The following OR4M1 variants were observed in gnomAD, a reference collection of about 807,000 sequenced individuals.
The protein encoded by OR4M1 is olfactory receptor 4M1.
OR4M1 carries 7 observed loss-of-function variants against 9.8 expected under a neutral mutation model. That is an observed-to-expected ratio of 0.71 (90% CI 0.41 to 1.34). OR4M1 has a LOEUF of 1.34. Ranked by LOEUF, OR4M1 falls within the 40% of genes most tolerant of loss-of-function variation. The pLI is 0.01. For synonymous variants in OR4M1, 121 were observed against 139.8 expected (o/e 0.87, Z 0.95); for missense variants, 331 against 380.4 (o/e 0.87, Z 1.08).
At chr14:19,779,138 G>C (rs1878392130) in intron 1 of OR4M1, among the ~76,000 whole-genome samples, 1 of 152,174 alleles carries the variant, frequency 6.6e-6, no homozygotes, top group Non-Finnish European at 1.5e-5. Flanking sequence ...TGAGTCAGTA[G>C]GTTCCAAAAA....
chr14:19,773,808 G>C (rs1490330520), intron 1 of OR4M1, among the ~76,000 whole-genome samples: 1 of 152,214 alleles, frequency 6.6e-6, no homozygotes, highest in Non-Finnish European at 1.5e-5. Context: ...TCTCGGCCTT[G>C]ATCTCAATAA....
chr14:19,776,261 C>G (rs536104457), intron 1 of OR4M1, among the ~76,000 whole-genome samples: 387 of 152,074 alleles, frequency 2.5e-3, no homozygotes, highest in Non-Finnish European at 3.0e-3. Context: ...TTTCTTAAAA[C>G]TCTAGTTAAA....
rs1594379379 is a variant in OR4M1, at chr14:19,781,317, G to A, written c.*53G>A. ...CCTGAGGATCATTGTCCTAAAGCAGGAAGTATTTGCAGTAATAATGCTGCA... is the reference window on the plus strand; with the variant it reads ...CCTGAGGATCATTGTCCTAAAGCAGAAAGTATTTGCAGTAATAATGCTGCA... On this transcript the variant is annotated 3_prime_UTR_variant, in exon 2 of 2. Coordinates refer to ENST00000641200, the MANE Select transcript of OR4M1 (RefSeq NM_001005500.2). 5.6e-6 allele frequency: 8 copies of A among 1,431,944 alleles called. No homozygotes were observed. In the East Asian group the frequency reaches 1.2e-4, roughly 21 times the overall value. The allele number at this position is 1,431,944 out of a possible 1,614,324, so 88.7% of individuals were successfully genotyped here.
chr14:19,781,176 A>G lies in OR4M1; in HGVS notation c.854A>G (p.Asn285Ser). ...CATACTGTAATATTCCCTTTACTTA[A>G]TCCCATTATTTACACATTGAGAAAC... ...VFHTVIFPLL[N>S]PIIYTLRNKE... is the part of the protein sequence containing the mutation. Residue 285 changes from asparagine (N) to serine (S), a missense_variant, in exon 2 of 2, where the codon AAT becomes AGT. Asn to Ser is a conservative substitution (Grantham distance 46, BLOSUM62 1). This residue lies in a region of OR4M1 where 122 missense variants were observed against 180.5 expected (regional missense o/e 0.68). Transcript: ENST00000641200. The G allele has an allele frequency of 6.2e-7, 1 of 1,614,200 alleles. No homozygotes were observed. The highest frequency in any genetic ancestry group is 1.6e-4 in the Middle Eastern group (1 of 6,062).
chr14:19,782,957 T>C lies in OR4M1; in HGVS notation c.*1693T>C, dbSNP rs1193816412. ...TTTGATCTAGCCAGACTTCTATTCA[T>C]TTTGTCACTTATCTTTCATCAAACT... is the stretch of plus-strand genomic sequence containing the variant. On this transcript the variant is annotated 3_prime_UTR_variant, in exon 2 of 2. Coordinates refer to ENST00000641200, the MANE Select transcript of OR4M1 (RefSeq NM_001005500.2). 6.6e-6 allele frequency: 1 copy of C among 152,274 alleles called. No individual in the cohort carries two copies. Among genetic ancestry groups the C allele is most frequent in the Non-Finnish European group, 1.5e-5 (1 of 68,046 alleles). The allele number at this position is 152,274 out of a possible 1,614,324, so 9.4% of individuals were successfully genotyped here. A position where few individuals can be genotyped will look rare whatever the true frequency, so the allele number is the denominator to read the frequency against.
intron 1 of OR4M1, among the ~76,000 whole-genome samples, chr14:19,779,026 T>G (rs1229502624): frequency 6.6e-6 from 1 of 152,206 alleles, no homozygotes; most frequent in East Asian, 1.9e-4. Context: ...TTTTTGTGCG[T>G]GTGTGTGTCT....
At chr14:19,775,653 C>T (rs117525898) in intron 1 of OR4M1, among the ~76,000 whole-genome samples, 1 of 144,162 alleles carries the variant, frequency 6.9e-6, no homozygotes, top group East Asian at 2.0e-4. Context: ...TAATATACTT[C>T]AATATATTCA....
intron 1 of OR4M1, among the ~76,000 whole-genome samples, chr14:19,775,859 A>G (rs1246003400): frequency 6.6e-6 from 1 of 151,318 alleles, no homozygotes; most frequent in Non-Finnish European, 1.5e-5. Context: ...AATGATCTTC[A>G]AGATAGTATA....
At chr14:19,775,689 A>T (rs1878290580) in intron 1 of OR4M1, among the ~76,000 whole-genome samples, 1 of 143,786 alleles carries the variant, frequency 7.0e-6, no homozygotes, top group Non-Finnish European at 1.5e-5. Context: ...TATATTAAAT[A>T]TATATTAGTT....
At chr14:19,780,189 C>T in intron 1 of OR4M1, 105 bp from the exon 2 acceptor site, 2 of 1,016,026 alleles carry the variant, frequency 2.0e-6, no homozygotes, top group South Asian at 1.7e-5. Context: ...AATGTATCCT[C>T]ATGTAATCTG....
rs1287148274 is a variant in OR4M1, at chr14:19,782,378, T to A, written c.*1114T>A. On this transcript the variant is annotated 3_prime_UTR_variant, in exon 2 of 2. Coordinates refer to ENST00000641200, the MANE Select transcript of OR4M1 (RefSeq NM_001005500.2). ...TTTACTTAAATTTATTAGTTTTTCA[T>A]TTCAAAACTAGGAAATATTTTCATT... 4 of 152,254 alleles carry A rather than the reference T, an allele frequency of 2.6e-5. No homozygotes were observed. Among genetic ancestry groups the A allele is most frequent in the Non-Finnish European group, 4.4e-5 (3 of 68,052 alleles). 9.4% of individuals were successfully genotyped at this position (152,254 alleles called of 1,614,324 possible). A position where few individuals can be genotyped will look rare whatever the true frequency, so the allele number is the denominator to read the frequency against.
In OR4M1 at chr14:19,781,308, C is replaced by T. The variant is rs553113338; in HGVS notation, c.*44C>T. 277 of 1,466,218 alleles carry T rather than the reference C, an allele frequency of 1.9e-4. No individual in the cohort carries two copies. Among genetic ancestry groups the T allele is most frequent in the Non-Finnish European group, 2.5e-4 (266 of 1,076,738 alleles). The allele number at this position is 1,466,218 out of a possible 1,614,324, so 90.8% of individuals were successfully genotyped here. On this transcript the variant is annotated 3_prime_UTR_variant, in exon 2 of 2. Coordinates refer to ENST00000641200, the MANE Select transcript of OR4M1 (RefSeq NM_001005500.2). ...TATAGTCCTCCTGAGGATCATTGTC[C>T]TAAAGCAGGAAGTATTTGCAGTAAT...
chr14:19,781,659 G>A lies in OR4M1; in HGVS notation c.*395G>A, dbSNP rs186989734. ...AATGGCAAGCATATGGATGCAGCTAGCTTCAAGTTAGCAAATAAATATTGT... is the reference window on the plus strand; with the variant it reads ...AATGGCAAGCATATGGATGCAGCTAACTTCAAGTTAGCAAATAAATATTGT... On this transcript the variant is annotated 3_prime_UTR_variant, in exon 2 of 2. Transcript: ENST00000641200. 352 of 188,590 alleles carry A rather than the reference G, an allele frequency of 1.9e-3. No individual in the cohort carries two copies. Among genetic ancestry groups the A allele is most frequent in the African/African-American group, 7.8e-3 (329 of 42,180 alleles). 11.7% of individuals were successfully genotyped at this position (188,590 alleles called of 1,614,324 possible).
chr14:19,782,334 G>C lies in OR4M1; in HGVS notation c.*1070G>C, dbSNP rs1255050358. Reference sequence around the variant, plus strand: ...ATGTAAGAGGTAGATTAGAACATTTGATTTTATAGGTTATGTTTTTTACTT... The same window carrying C: ...ATGTAAGAGGTAGATTAGAACATTTCATTTTATAGGTTATGTTTTTTACTT... On this transcript the variant is annotated 3_prime_UTR_variant, in exon 2 of 2. Coordinates refer to ENST00000641200, the MANE Select transcript of OR4M1 (RefSeq NM_001005500.2). The C allele has an allele frequency of 1.3e-5, 2 of 152,200 alleles. No individual in the cohort carries two copies. The highest frequency in any genetic ancestry group is 2.9e-5 in the Non-Finnish European group (2 of 68,034). The allele number at this position is 152,200 out of a possible 1,614,324, so 9.4% of individuals were successfully genotyped here. A position where few individuals can be genotyped will look rare whatever the true frequency, so the allele number is the denominator to read the frequency against.
chr14:19,779,024 C>T (rs752202865), intron 1 of OR4M1, among the ~76,000 whole-genome samples: 6 of 152,126 alleles, frequency 3.9e-5, no homozygotes, highest in South Asian at 2.1e-4. Context: ...TGTTTTTGTG[C>T]GTGTGTGTGT....
At chr14:19,778,080 G>A (rs1219575462) in intron 1 of OR4M1, among the ~76,000 whole-genome samples, 8 of 152,200 alleles carry the variant, frequency 5.3e-5, no homozygotes, top group Admixed American at 6.6e-5. Flanking sequence ...TTTGTCCTAA[G>A]GAATAAATGT....
At chr14:19,774,997 C>A (rs1193352198) in intron 1 of OR4M1, among the ~76,000 whole-genome samples, 5 of 152,230 alleles carry the variant, frequency 3.3e-5, no homozygotes, top group Non-Finnish European at 7.3e-5. Flanking sequence ...GAGTTTTCAT[C>A]CATGACAAGA....
At chr14:19,773,743 G>A (rs540342569) in intron 1 of OR4M1, 150 bp downstream of exon 1, 5 of 152,606 alleles carry the variant, frequency 3.3e-5, no homozygotes, top group African/African-American at 1.2e-4. Flanking sequence ...TTAGGGAACT[G>A]TGATGATAGT....
rs145569731 is a variant in OR4M1 at position 19,779,558 on chromosome 14, T to C, written c.-29-736T>C. On this transcript the variant is annotated intron_variant, in intron 1 of 1. Coordinates refer to ENST00000641200, the MANE Select transcript of OR4M1 (RefSeq NM_001005500.2). Reference sequence around the variant, plus strand: ...CAGAGCGGATCAGCTCAGAATCAAATTGGGTAGCAAGCATACTCATTTCCC... The same window carrying C: ...CAGAGCGGATCAGCTCAGAATCAAACTGGGTAGCAAGCATACTCATTTCCC... Among the ~76,000 whole-genome samples, 33 of 152,312 alleles carry C rather than the reference T, an allele frequency of 2.2e-4. No individual in the cohort carries two copies. In the East Asian group the frequency reaches 4.2e-3, roughly 20 times the overall value.
Sources: allele counts gnomAD v4.1 joint callset (sites outside exome capture counted in the v4.1 genomes callset), GRCh38; gene constraint gnomAD v4.1.1; regional missense constraint gnomAD v4.1.1; transcripts MANE v1.5; gene names NCBI Gene and HGNC (gene_info 2026-07-23, HGNC 2026-07-21).